Variants in PRKACB observed in about 807,000 individuals in gnomAD.
PRKACB encodes cAMP-dependent protein kinase catalytic subunit beta.
In PRKACB, 16 loss-of-function variants were observed where a neutral mutation model predicts 51.4. The observed-to-expected ratio is 0.31, with a 90% CI of 0.21 to 0.47. The LOEUF (loss-of-function observed/expected upper bound fraction) is 0.47, where lower values mean the gene tolerates loss of function less well. Ranked by LOEUF, PRKACB falls within the 20% of genes least tolerant of loss-of-function variation. PRKACB has a pLI of 1.00. For missense variants in PRKACB, 309 were observed against 464.5 expected (o/e 0.67, Z 3.08); for synonymous variants, 147 against 154.4 (o/e 0.95, Z 0.35).
intron 1 of PRKACB, among the ~76,000 whole-genome samples, chr1:84,091,108 G>A (rs2100771915): frequency 6.6e-6 from 1 of 152,180 alleles, no homozygotes; most frequent in African/African-American, 2.4e-5. Context: ...ACTGGCCTGT[G>A]ATTTACAGTA....
In PRKACB at chr1:84,202,866, A is replaced by T. The variant is rs1330158658; in HGVS notation, c.906+61A>T. ...TGTATATGAATTTTAAGCTTCATGAATTGAAACTATATTGTGTCATAATTA... is the reference window on the plus strand; with the variant it reads ...TGTATATGAATTTTAAGCTTCATGATTTGAAACTATATTGTGTCATAATTA... On this transcript the variant is annotated intron_variant, in intron 8 of 9. Coordinates refer to ENST00000370685, the MANE Select transcript of PRKACB (RefSeq NM_182948.4). 1.7e-5 allele frequency: 24 copies of T among 1,380,382 alleles called. No individual in the cohort carries two copies. In the East Asian group the frequency reaches 5.5e-4, roughly 32 times the overall value. 85.5% of individuals were successfully genotyped at this position (1,380,382 alleles called of 1,614,324 possible).
chr1:84,165,176 C>A (rs1297755600), intron 1 of PRKACB, among the ~76,000 whole-genome samples: 1 of 151,762 alleles, frequency 6.6e-6, no homozygotes, highest in Non-Finnish European at 1.5e-5. Context: ...CCTTCAAAAA[C>A]CAGTAAGAAC....
intron 1 of PRKACB, among the ~76,000 whole-genome samples, chr1:84,121,208 A>T (rs1651034476): frequency 6.6e-6 from 1 of 152,004 alleles, no homozygotes; most frequent in African/African-American, 2.4e-5. Context: ...TGTATTTGTT[A>T]CAAAAAATAA....
intron 1 of PRKACB, among the ~76,000 whole-genome samples, chr1:84,082,031 C>T (rs371273963): frequency 6.6e-6 from 1 of 152,192 alleles, no homozygotes; most frequent in African/African-American, 2.4e-5. Context: ...AGGACTAATA[C>T]GTGCCAGGTT....
At chr1:84,157,281 A>G (rs1010187803) in intron 1 of PRKACB, 1 of 152,184 alleles carries the variant, frequency 6.6e-6, no homozygotes, top group African/African-American at 2.4e-5. Flanking sequence ...ATGGATGCCT[A>G]CCAGCCTTAC....
chr1:84,089,454 C>G (rs1370781497), intron 1 of PRKACB, among the ~76,000 whole-genome samples: 1 of 152,084 alleles, frequency 6.6e-6, no homozygotes, highest in East Asian at 1.9e-4. Flanking sequence ...GTATTATGCT[C>G]CCAACCTTTT....
chr1:84,152,453 T>C (rs1054919682), intron 1 of PRKACB, among the ~76,000 whole-genome samples: 1 of 152,216 alleles, frequency 6.6e-6, no homozygotes, highest in Admixed American at 6.5e-5. Context: ...AAGTTCTAGA[T>C]GGCATCTTCT....
chr1:84,084,216 G>A (rs1441539845), intron 1 of PRKACB, among the ~76,000 whole-genome samples: 1 of 149,106 alleles, frequency 6.7e-6, no homozygotes, highest in African/African-American at 2.4e-5. Context: ...TGAGTAGACC[G>A]AGCATTGATA....
At chr1:84,199,035 A>ACG (rs997515439) in intron 7 of PRKACB, among the ~76,000 whole-genome samples, 13 of 147,630 alleles carry the variant, frequency 8.8e-5, no homozygotes, top group African/African-American at 3.2e-4. Flanking sequence ...ACACATATAT[A>ACG]CGCATATGTA....
intron 1 of PRKACB, among the ~76,000 whole-genome samples, chr1:84,108,067 G>C (rs1156829499): frequency 6.6e-6 from 1 of 152,146 alleles, no homozygotes; most frequent in Non-Finnish European, 1.5e-5. Flanking sequence ...CACAGACATG[G>C]AGTCAACCTA....
At position 84,132,762 on chromosome 1, in the gene PRKACB, G is replaced by A. The variant is rs1472419615; in HGVS notation, c.47-46415G>A. Among the ~76,000 whole-genome samples the A allele has an allele frequency of 2.0e-5, 3 of 152,150 alleles. No homozygotes were observed. The East Asian group carries it at 5.8e-4, about 29-fold the overall frequency. On this transcript the variant is annotated intron_variant, in intron 1 of 8. Coordinates refer to the PRKACB transcript ENST00000370688. ...AATGCCATTGATAGGCTTATCAATA[G>A]AATGGGCACTGCTGGGGAAAGAATC...
chr1:84,175,560 G>T (rs925006090), intron 1 of PRKACB, among the ~76,000 whole-genome samples: 2 of 151,658 alleles, frequency 1.3e-5, no homozygotes, highest in African/African-American at 2.4e-5. Context: ...AATTATATGG[G>T]ATGAAGTTAT....
At chr1:84,233,052 C>T (rs1428782344) in intron 9 of PRKACB, among the ~76,000 whole-genome samples, 7 of 151,294 alleles carry the variant, frequency 4.6e-5, no homozygotes, top group South Asian at 2.1e-4. Flanking sequence ...CAACTGGTAC[C>T]GGTTGTTCCT....
intron 1 of PRKACB, among the ~76,000 whole-genome samples, chr1:84,154,116 G>C (rs1432592521): frequency 6.6e-6 from 1 of 152,088 alleles, no homozygotes; most frequent in African/African-American, 2.4e-5. Flanking sequence ...TTACCCTCAT[G>C]AGTAGTGATG....
rs780979027 is a variant in PRKACB at position 84,182,292 on chromosome 1, A to G, written c.342A>G (p.Glu114=). ...RVMLVKHKAT[E]QYYAMKILDK... ...TGTTGGTAAAACACAAAGCCACTGAACAGTATTATGCCATGAAGATCTTAG... is the reference window on the plus strand; with the variant it reads ...TGTTGGTAAAACACAAAGCCACTGAGCAGTATTATGCCATGAAGATCTTAG... The change falls in exon 3 of 10, where the codon GAA becomes GAG. Residue 114 remains glutamate (E), a synonymous_variant. Coordinates refer to ENST00000370685, the MANE Select transcript of PRKACB (RefSeq NM_182948.4). 2 of 1,603,470 alleles carry G rather than the reference A, an allele frequency of 1.2e-6. No individual in the cohort carries two copies. Among genetic ancestry groups the G allele is most frequent in the Non-Finnish European group, 1.7e-6 (2 of 1,174,280 alleles).
chr1:84,111,897 A>AT (rs1650260185), intron 1 of PRKACB, among the ~76,000 whole-genome samples: 1 of 152,132 alleles, frequency 6.6e-6, no homozygotes, highest in Non-Finnish European at 1.5e-5. Context: ...ATTGTTTACA[A>AT]TTTTTATTTA....
At chr1:84,178,929 T>G (rs1269546643) in intron 1 of PRKACB, 3 of 263,394 alleles carry the variant, frequency 1.1e-5, no homozygotes, top group African/African-American at 6.8e-5. Context: ...GAACAGAATT[T>G]TTGTTATGAC....
intron 1 of PRKACB, among the ~76,000 whole-genome samples, chr1:84,095,672 C>G (rs1648872579): frequency 6.6e-6 from 1 of 151,752 alleles, no homozygotes; most frequent in Non-Finnish European, 1.5e-5. Flanking sequence ...CAAAATGTTT[C>G]ATTTATTTAA....
chr1:84,093,336 G>GT (rs1648663802), intron 1 of PRKACB, among the ~76,000 whole-genome samples: 2 of 151,722 alleles, frequency 1.3e-5, no homozygotes, highest in Non-Finnish European at 1.5e-5. Flanking sequence ...GGAGTCATTT[G>GT]TTAATATCAG....
Sources: gnomAD v4.1 joint callset for allele counts (sites outside exome capture counted in the v4.1 genomes callset) on GRCh38, gnomAD v4.1.1 for gene constraint, MANE v1.5 for transcripts, NCBI Gene and HGNC (gene_info 2026-07-23, HGNC 2026-07-21) for gene names.